CSMD3: variants seen among roughly 807,000 people sequenced by gnomAD.
CSMD3 encodes CUB and Sushi multiple domains 3, also known as CUB and sushi domain-containing protein 3.
A neutral mutation model predicts 435.2 loss-of-function variants in CSMD3; 177 were observed. The observed-to-expected ratio is 0.41, with a 90% CI of 0.36 to 0.46. The LOEUF is 0.46. Ranked by LOEUF, CSMD3 falls within the 20% of genes least tolerant of loss-of-function variation. The pLI, the probability that CSMD3 is intolerant of heterozygous loss-of-function variation, is 0.34. For missense variants in CSMD3, 4,265 were observed against 4,504.6 expected, an observed-to-expected ratio of 0.95 and a Z score of 1.52; for synonymous variants, 1,656 against 1,520.5, an observed-to-expected ratio of 1.09 and a Z score of -2.07.
chr8:113,200,189 C>G (rs1226356751), intron 3 of CSMD3, among the ~76,000 whole-genome samples: 1 of 151,682 alleles, frequency 6.6e-6, no homozygotes, highest in Admixed American at 6.6e-5. Flanking sequence ...ATTTCTGTGA[C>G]TCCTCTTATT....
chr8:112,566,366 G>T (rs1048792735), intron 24 of CSMD3, among the ~76,000 whole-genome samples: 1 of 152,012 alleles, frequency 6.6e-6, no homozygotes. Flanking sequence ...GTAGGTGGTA[G>T]ATAAATGTTA....
At chr8:112,742,742 A>C (rs184580956) in intron 13 of CSMD3, among the ~76,000 whole-genome samples, 1 of 152,144 alleles carries the variant, frequency 6.6e-6, no homozygotes, top group East Asian at 1.9e-4. Flanking sequence ...GAACATTAAT[A>C]GCAGTCACTG....
chr8:112,872,875 AAG>A (rs2081176178), intron 10 of CSMD3, among the ~76,000 whole-genome samples: 1 of 152,004 alleles, frequency 6.6e-6, no homozygotes, highest in Non-Finnish European at 1.5e-5. Flanking sequence ...TAGCATTCTC[AAG>A]GTCATCCAGG....
chr8:112,326,770 C>A (rs1823551760), intron 45 of CSMD3, among the ~76,000 whole-genome samples: 1 of 152,152 alleles, frequency 6.6e-6, no homozygotes, highest in Non-Finnish European at 1.5e-5. Flanking sequence ...AATCCCAGCA[C>A]TATGGGATGT....
chr8:113,094,288 T>C (rs2131526330), intron 5 of CSMD3, among the ~76,000 whole-genome samples: 1 of 152,294 alleles, frequency 6.6e-6, no homozygotes, highest in African/African-American at 2.4e-5. Flanking sequence ...TCATTCAGCC[T>C]CTGGCATAGA....
At chr8:112,817,865 A>G (rs897668103) in intron 12 of CSMD3, among the ~76,000 whole-genome samples, 2 of 152,100 alleles carry the variant, frequency 1.3e-5, no homozygotes, top group South Asian at 2.1e-4. Context: ...CTCTATTGCT[A>G]AATAATTTTA....
chr8:113,138,903 G>T (rs188406564), intron 4 of CSMD3, among the ~76,000 whole-genome samples: 1 of 150,158 alleles, frequency 6.7e-6, no homozygotes, highest in East Asian at 2.0e-4. Context: ...TAATACTAAA[G>T]GAAATTTAAT....
intron 47 of CSMD3, among the ~76,000 whole-genome samples, chr8:112,315,177 T>C (rs1000831803): frequency 1.3e-5 from 2 of 151,896 alleles, no homozygotes; most frequent in African/African-American, 2.4e-5. Flanking sequence ...CTACACTATC[T>C]CCAGCCCATA....
Position 113,173,912 on chromosome 8 carries a change from C to T in CSMD3, c.519G>A (p.Leu173=), listed in dbSNP as rs2131892277. The T allele has an allele frequency of 6.2e-7, 1 of 1,611,470 alleles. No homozygotes were observed. Among genetic ancestry groups the T allele is most frequent in the Non-Finnish European group, 8.5e-7 (1 of 1,177,740 alleles). ...CAGGATTTCCACAAGAGCTACTCTG[C>T]AATTCTATTAAAAAGGAGGAAAAGG... ...AHGFKVYYEE[L]QSSSCGNPGV... The change falls in exon 4 of 71, where the codon TTG becomes TTA. Residue 173 remains leucine (L), a synonymous_variant. Coordinates refer to ENST00000297405, the MANE Select transcript of CSMD3 (RefSeq NM_198123.2).
chr8:112,516,462 A>G (rs1586574306), intron 28 of CSMD3, among the ~76,000 whole-genome samples: 1 of 152,282 alleles, frequency 6.6e-6, no homozygotes, highest in Non-Finnish European at 1.5e-5. Context: ...ACCAAATCAT[A>G]ATTTGTTTTA....
At chr8:112,536,496 G>A (rs1179023404) in intron 27 of CSMD3, among the ~76,000 whole-genome samples, 3 of 152,088 alleles carry the variant, frequency 2.0e-5, no homozygotes, top group African/African-American at 7.2e-5. Context: ...CAGTTAGAAT[G>A]GCAATCATTA....
At chr8:112,754,062 C>T (rs532722104) in intron 13 of CSMD3, among the ~76,000 whole-genome samples, 18 of 152,264 alleles carry the variant, frequency 1.2e-4, no homozygotes, top group African/African-American at 3.6e-4. Context: ...GCACAGCAAG[C>T]TTGACAGAAA....
rs1477530980 is a variant in CSMD3 at position 112,740,234 on chromosome 8, A to G, written c.1973-50184T>C. Among the ~76,000 whole-genome samples, 3 of 151,852 alleles carry G rather than the reference A, an allele frequency of 2.0e-5. No homozygotes were observed. In the East Asian group the frequency reaches 5.8e-4, roughly 29 times the overall value. On this transcript the variant is annotated intron_variant, in intron 13 of 70. Coordinates refer to ENST00000297405, the MANE Select transcript of CSMD3 (RefSeq NM_198123.2). ...TTATTTCCGTCAATATATACTGCCA[A>G]GTCTATTTCTACATATTTTATTTCC...
intron 3 of CSMD3, among the ~76,000 whole-genome samples, chr8:113,242,907 G>A (rs2093234888): frequency 6.6e-6 from 1 of 151,758 alleles, no homozygotes; most frequent in African/African-American, 2.4e-5. Context: ...AAAAATGAAT[G>A]TAAAGGTTTC....
chr8:113,302,543 A>T (rs1289579098), intron 2 of CSMD3, among the ~76,000 whole-genome samples: 1 of 151,566 alleles, frequency 6.6e-6, no homozygotes, highest in Non-Finnish European at 1.5e-5. Flanking sequence ...ACGAGCTCAT[A>T]TTAATTATGT....
intron 2 of CSMD3, among the ~76,000 whole-genome samples, chr8:113,300,659 T>A (rs148869602): frequency 2.6e-5 from 4 of 152,012 alleles, no homozygotes; most frequent in African/African-American, 9.6e-5. Flanking sequence ...GACATACAGA[T>A]GGGAACAATA....
In CSMD3 at chr8:112,306,019, G is replaced by A. The variant is rs777657890; in HGVS notation, c.8059C>T (p.Pro2687Ser). 2 of 1,613,136 alleles carry A rather than the reference G, an allele frequency of 1.2e-6. No individual in the cohort carries two copies. Among genetic ancestry groups the A allele is most frequent in the African/African-American group, 2.7e-5 (2 of 74,882 alleles). Residue 2687 changes from proline (P) to serine (S), a missense_variant, in exon 51 of 71, where the codon CCT (proline) becomes TCT (serine). This residue lies in a region of CSMD3 where 3,255 missense variants were observed against 3,380.2 expected (regional missense o/e 0.96). Coordinates refer to ENST00000297405, the MANE Select transcript of CSMD3 (RefSeq NM_198123.2). ...TTGACACACATACCAACACAGCGAG[G>A]GGTCTTGTTATGATTGCTCCATGTT... ...DGTWSNHNKTPRCVVVTCPSI... is the reference protein window; with the variant it reads ...DGTWSNHNKTSRCVVVTCPSI...
At chr8:112,612,904 A>T (rs72676694) in intron 22 of CSMD3, among the ~76,000 whole-genome samples, 938 of 29,574 alleles carry the variant, frequency 0.032, 4 homozygotes, top group South Asian at 0.12. Flanking sequence ...TATTATTATT[A>T]TTTTTTTTTT....
At chr8:112,673,741 G>C (rs2075709301) in intron 16 of CSMD3, among the ~76,000 whole-genome samples, 1 of 152,024 alleles carries the variant, frequency 6.6e-6, no homozygotes, top group Non-Finnish European at 1.5e-5. Flanking sequence ...GCAAGTCCAG[G>C]CTTGTCTTCA....
Sources: allele counts gnomAD v4.1 joint callset (sites outside exome capture counted in the v4.1 genomes callset), GRCh38; gene constraint gnomAD v4.1.1; regional missense constraint gnomAD v4.1.1; transcripts MANE v1.5; gene names NCBI Gene and HGNC (gene_info 2026-07-23, HGNC 2026-07-21).